The following RBFOX1 variants were observed in gnomAD, a reference collection of about 807,000 sequenced individuals.
RBFOX1 encodes RNA binding protein fox-1 homolog 1.
In RBFOX1, 8 loss-of-function variants were observed where a neutral mutation model predicts 57.7. That is an observed-to-expected ratio of 0.14 (90% CI 0.08 to 0.25). The LOEUF (loss-of-function observed/expected upper bound fraction) is 0.25, where lower values mean the gene tolerates loss of function less well. Among genes scored for constraint, RBFOX1 ranks in the 10% least tolerant of loss-of-function variants. The pLI is 1.00. For missense variants in RBFOX1, 611 were observed against 548.5 expected, an observed-to-expected ratio of 1.11 and a Z score of -1.14; for synonymous variants, 326 against 222.4, an observed-to-expected ratio of 1.47 and a Z score of -4.15.
In RBFOX1 at chr16:6,019,441, G is replaced by C; in HGVS notation, c.-678G>C. 2 of 989,672 alleles carry C rather than the reference G, an allele frequency of 2.0e-6. No homozygotes were observed. Among genetic ancestry groups the C allele is most frequent in the Non-Finnish European group, 1.2e-6 (1 of 833,048 alleles). The allele number at this position is 989,672 out of a possible 1,614,324, so 61.3% of individuals were successfully genotyped here. On this transcript the variant is annotated 5_prime_UTR_variant, in exon 1 of 16. Transcript: ENST00000550418. The surrounding 1 kb of genome is among the most constrained non-coding windows in gnomAD (Gnocchi z 4.2). ...GCGGACGGAGCCCAGGGGCCGCGTC[G>C]GGTGGGGAAACCCGAACTCGCGGAG...
intron 2 of RBFOX1, among the ~76,000 whole-genome samples, chr16:6,413,245 G>T (rs2093520653): frequency 6.6e-6 from 1 of 151,174 alleles, no homozygotes; most frequent in South Asian, 2.1e-4. Context: ...CTTGAACCCG[G>T]AAGGCAGAGG....
chr16:5,355,905 A>G (rs2065376362), intron 1 of RBFOX1, among the ~76,000 whole-genome samples: 1 of 152,202 alleles, frequency 6.6e-6, no homozygotes, highest in Non-Finnish European at 1.5e-5. Context: ...AGCCTGGCCA[A>G]CATGGCTAAA....
intron 2 of RBFOX1, among the ~76,000 whole-genome samples, chr16:6,391,554 T>G (rs2092605284): frequency 6.6e-6 from 1 of 151,732 alleles, no homozygotes; most frequent in Non-Finnish European, 1.5e-5. Flanking sequence ...TTGATTCACA[T>G]TTTTAAAGAT....
intron 4 of RBFOX1, among the ~76,000 whole-genome samples, chr16:7,319,864 C>G (rs962015721): frequency 3.3e-5 from 5 of 152,028 alleles, no homozygotes; most frequent in African/African-American, 1.2e-4. Flanking sequence ...TAGAATGGGG[C>G]TATTATGAGT....
intron 1 of RBFOX1, among the ~76,000 whole-genome samples, chr16:5,254,349 G>T (rs2062529878): frequency 6.6e-6 from 1 of 152,170 alleles, no homozygotes; most frequent in South Asian, 2.1e-4. Context: ...AATCCCAGGG[G>T]TTATGCTAGA....
chr16:6,767,948 A>G (rs2077610390), intron 3 of RBFOX1, among the ~76,000 whole-genome samples: 1 of 48,786 alleles, frequency 2.0e-5, no homozygotes, highest in Non-Finnish European at 3.9e-5. Context: ...TAATAATAAT[A>G]AGAAGAAGAA....
intron 1 of RBFOX1, among the ~76,000 whole-genome samples, chr16:5,428,682 C>G (rs1457804900): frequency 6.6e-6 from 1 of 152,010 alleles, no homozygotes; most frequent in East Asian, 1.9e-4. Flanking sequence ...GAGGAGCTGG[C>G]CAGTGGACAT....
chr16:6,583,026 C>T (rs8043913), intron 2 of RBFOX1, among the ~76,000 whole-genome samples: 69,584 of 129,010 alleles, frequency 0.54, 16,343 homozygotes, highest in Middle Eastern at 0.64. Context: ...GTCTCTTGCT[C>T]GATGTCTCTC....
chr16:5,848,184 C>T (rs1197742240), intron 3 of RBFOX1, among the ~76,000 whole-genome samples: 2 of 152,054 alleles, frequency 1.3e-5, no homozygotes, highest in Non-Finnish European at 2.9e-5. Context: ...TTGTTTTGTC[C>T]AGCCTGACAC....
chr16:6,450,845 A>ATGTG lies in RBFOX1; in HGVS notation c.-64+133789_-64+133790insGTGT, dbSNP rs1567303988. Among the ~76,000 whole-genome samples the ATGTG allele has an allele frequency of 9.5e-5, 6 of 63,266 alleles. 1 individual carries two copies. Among genetic ancestry groups the ATGTG allele is most frequent in the African/African-American group, 3.8e-4 (6 of 15,814 alleles). The allele number at this position is 63,266 out of a possible 152,430, so 41.5% of individuals were successfully genotyped here. A position where few individuals can be genotyped will look rare whatever the true frequency, so the allele number is the denominator to read the frequency against. On this transcript the variant is annotated intron_variant, in intron 2 of 15. Coordinates refer to ENST00000550418, the MANE Select transcript of RBFOX1 (RefSeq NM_018723.4). ...TATATATATATATATATGTGTATAT[A>ATGTG]TATATATATATATATATATATATAT... is the stretch of plus-strand genomic sequence containing the variant.
At chr16:5,860,510 A>T (rs747080958) in intron 3 of RBFOX1, among the ~76,000 whole-genome samples, 1 of 152,184 alleles carries the variant, frequency 6.6e-6, no homozygotes, top group African/African-American at 2.4e-5. Context: ...GCTTGCTCCC[A>T]TTTGTCAAGG....
intron 1 of RBFOX1, among the ~76,000 whole-genome samples, chr16:6,298,578 C>G (rs971016698): frequency 1.3e-5 from 2 of 152,136 alleles, no homozygotes; most frequent in Non-Finnish European, 2.9e-5. Flanking sequence ...TTGCCTTTAG[C>G]TAAGCAGATC....
intron 4 of RBFOX1, among the ~76,000 whole-genome samples, chr16:7,071,480 A>G (rs911669954): frequency 6.6e-6 from 1 of 151,972 alleles, no homozygotes; most frequent in African/African-American, 2.4e-5. Flanking sequence ...ATTATATTTT[A>G]TGTATCTGCT....
chr16:7,012,792 C>G (rs1003164659), intron 3 of RBFOX1, among the ~76,000 whole-genome samples: 1 of 152,146 alleles, frequency 6.6e-6, no homozygotes, highest in South Asian at 2.1e-4. Flanking sequence ...CCCATTTTAA[C>G]AAACTGATAT....
intron 4 of RBFOX1, among the ~76,000 whole-genome samples, chr16:7,471,944 G>T (rs564552253): frequency 6.6e-6 from 1 of 152,260 alleles, no homozygotes; most frequent in South Asian, 2.1e-4. Flanking sequence ...AACACGGGCT[G>T]AAGAAGCTGA....
chr16:7,520,306 C>T (rs1433371959), intron 5 of RBFOX1, among the ~76,000 whole-genome samples: 3 of 152,138 alleles, frequency 2.0e-5, no homozygotes, highest in Admixed American at 2.0e-4. Context: ...TAATCCTGTA[C>T]ACATTTCAAT....
intron 1 of RBFOX1, among the ~76,000 whole-genome samples, chr16:5,259,178 T>C (rs2062665553): frequency 6.7e-6 from 1 of 150,034 alleles, no homozygotes; most frequent in Admixed American, 6.7e-5. Flanking sequence ...TTTATAGGTT[T>C]CTTTTAGTGC....
At chr16:6,425,073 C>A (rs1194498227) in intron 2 of RBFOX1, among the ~76,000 whole-genome samples, 1 of 152,110 alleles carries the variant, frequency 6.6e-6, no homozygotes, top group Non-Finnish European at 1.5e-5. Context: ...CAGATTTCCA[C>A]AAATAATTTA....
intron 4 of RBFOX1, among the ~76,000 whole-genome samples, chr16:5,905,843 C>G (rs1352530540): frequency 2.6e-5 from 4 of 152,208 alleles, no homozygotes. Context: ...AAGTGATACA[C>G]TCCCCAAATG....
Sources: gnomAD v4.1 joint callset for allele counts (sites outside exome capture counted in the v4.1 genomes callset) on GRCh38, gnomAD v4.1.1 for gene constraint, Gnocchi (gnomAD v3.1) non-coding constraint, MANE v1.5 for transcripts, NCBI Gene and HGNC (gene_info 2026-07-23, HGNC 2026-07-21) for gene names.